ANTXR2: variants seen among roughly 807,000 people sequenced by gnomAD.
The protein encoded by ANTXR2 is anthrax toxin receptor 2.
A neutral mutation model predicts 73.7 loss-of-function variants in ANTXR2; 44 were observed. The observed-to-expected ratio is 0.60, with a 90% CI of 0.47 to 0.77. The LOEUF is 0.77. Ranked by LOEUF, ANTXR2 falls within the 30% of genes least tolerant of loss-of-function variation. The probability of loss-of-function intolerance (pLI) is 0.00; values close to 1 mark genes in which losing one functional copy is unlikely to be tolerated. For synonymous variants in ANTXR2, 217 were observed against 205.9 expected (o/e 1.05, Z -0.46); for missense variants, 604 against 592.5 (o/e 1.02, Z -0.20).
At chr4:80,072,310 A>G in intron 1 of ANTXR2, 99 bp downstream of exon 1, 2 of 1,361,730 alleles carry the variant, frequency 1.5e-6, no homozygotes, top group Non-Finnish European at 9.7e-7. Context: ...CGGGTTTCCA[A>G]CACCACTCCC....
At chr4:79,951,365 T>C (rs1284898424) in intron 16 of ANTXR2, among the ~76,000 whole-genome samples, 1 of 151,904 alleles carries the variant, frequency 6.6e-6, no homozygotes, top group Non-Finnish European at 1.5e-5. Context: ...GGATTACTCA[T>C]GGTCAGGAGT....
At chr4:79,965,568 C>T (rs991854980) in intron 16 of ANTXR2, among the ~76,000 whole-genome samples, 6 of 152,120 alleles carry the variant, frequency 3.9e-5, no homozygotes, top group African/African-American at 1.2e-4. Flanking sequence ...ATAAATACTT[C>T]ATAAGAACCA....
chr4:80,013,906 T>C (rs1264017124), intron 11 of ANTXR2, among the ~76,000 whole-genome samples: 5 of 152,190 alleles, frequency 3.3e-5, no homozygotes, highest in Non-Finnish European at 7.3e-5. Flanking sequence ...TAGTATTTAT[T>C]ATCCTGTAAT....
intron 16 of ANTXR2, among the ~76,000 whole-genome samples, chr4:79,909,645 C>CA (rs987166490): frequency 0.02 from 2,909 of 144,334 alleles, 85 homozygotes; most frequent in African/African-American, 0.068. Context: ...ATATAAGCAC[C>CA]AAAAAAAAAA....
At chr4:80,004,204 T>A (rs1161705327) in intron 12 of ANTXR2, among the ~76,000 whole-genome samples, 1 of 151,478 alleles carries the variant, frequency 6.6e-6, no homozygotes, top group Non-Finnish European at 1.5e-5. Flanking sequence ...ATTTTTGAAA[T>A]AAAAAAATTA....
At chr4:80,059,595 C>T (rs1272015070) in intron 3 of ANTXR2, among the ~76,000 whole-genome samples, 1 of 152,058 alleles carries the variant, frequency 6.6e-6, no homozygotes, top group Non-Finnish European at 1.5e-5. Flanking sequence ...TGGCCTCAGG[C>T]AAGCCTCTCA....
intron 16 of ANTXR2, among the ~76,000 whole-genome samples, chr4:79,915,567 A>T (rs1245114655): frequency 2.0e-5 from 3 of 152,088 alleles, no homozygotes; most frequent in Non-Finnish European, 4.4e-5. Flanking sequence ...AATCACTTCT[A>T]AAAAAAGGTT....
At chr4:80,051,577 C>T (rs184201937) in intron 7 of ANTXR2, among the ~76,000 whole-genome samples, 3 of 151,804 alleles carry the variant, frequency 2.0e-5, no homozygotes, top group African/African-American at 4.8e-5. Flanking sequence ...AAAACTGTTA[C>T]ATACCATGTT....
chr4:79,964,594 AACT>A (rs1295789437), intron 16 of ANTXR2: 2 of 152,220 alleles, frequency 1.3e-5, no homozygotes, highest in African/African-American at 4.8e-5. Flanking sequence ...AACGGAGTCA[AACT>A]ACATTAGATC....
At chr4:80,049,473 G>T (rs1733676660) in intron 7 of ANTXR2, among the ~76,000 whole-genome samples, 1 of 151,756 alleles carries the variant, frequency 6.6e-6, no homozygotes, top group Non-Finnish European at 1.5e-5. Context: ...ATATGTGCTT[G>T]TGTCTGTGGA....
chr4:79,990,043 T>G (rs1730389692), intron 12 of ANTXR2, among the ~76,000 whole-genome samples: 1 of 151,984 alleles, frequency 6.6e-6, no homozygotes, highest in African/African-American at 2.4e-5. Context: ...AGGCAAAAGA[T>G]GGAAGCATTT....
intron 10 of ANTXR2, among the ~76,000 whole-genome samples, chr4:80,030,860 G>A (rs1207951483): frequency 6.6e-6 from 1 of 151,876 alleles, no homozygotes; most frequent in Non-Finnish European, 1.5e-5. Context: ...CTAGAAAACT[G>A]TATCCTATTA....
chr4:80,031,195 C>A (rs1732673979), intron 10 of ANTXR2, among the ~76,000 whole-genome samples: 1 of 151,832 alleles, frequency 6.6e-6, no homozygotes, highest in African/African-American at 2.4e-5. Flanking sequence ...TCTTGAGGCA[C>A]TTTAATCGCA....
rs1454700058 is a variant in ANTXR2 at position 79,926,965 on chromosome 4, A to ATG, written c.1429-19500_1429-19499dup. Among the ~76,000 whole-genome samples, 14 of 46,442 alleles carry ATG rather than the reference A, an allele frequency of 3.0e-4. 1 individual carries two copies. The highest frequency in any genetic ancestry group is 8.1e-4 in the African/African-American group (10 of 12,412). 30.5% of individuals were successfully genotyped at this position (46,442 alleles called of 152,430 possible). On this transcript the variant is annotated intron_variant, in intron 16 of 16. Coordinates refer to ENST00000403729, the MANE Select transcript of ANTXR2 (RefSeq NM_058172.6). ...TATGTGTATATATACGTGTGCATAT[A>ATG]TGTGTATATATACGTGTGCATATAT...
chr4:79,994,794 C>T (rs1195974445), intron 12 of ANTXR2, among the ~76,000 whole-genome samples: 3 of 151,962 alleles, frequency 2.0e-5, no homozygotes, highest in African/African-American at 4.8e-5. Context: ...CTTCTCTTCA[C>T]CGGAGGTCCT....
At position 80,052,191 on chromosome 4, in the gene ANTXR2, A is replaced by C. The variant is rs184541939; in HGVS notation, c.636+2081T>G. 6.3e-3 allele frequency among the ~76,000 whole-genome samples: 952 copies of C among 151,758 alleles called. 3 individuals carry two copies. Among genetic ancestry groups the C allele is most frequent in the Non-Finnish European group, 9.5e-3 (642 of 67,726 alleles). On this transcript the variant is annotated intron_variant, in intron 7 of 16. Coordinates refer to ENST00000403729, the MANE Select transcript of ANTXR2 (RefSeq NM_058172.6). ...ATAATTTCACCCATTAGTTTGATAA[A>C]TCATAAAGAATAGAGTATAGTCTCT...
At chr4:79,973,694 G>A (rs1319180831) in intron 16 of ANTXR2, among the ~76,000 whole-genome samples, 4 of 152,192 alleles carry the variant, frequency 2.6e-5, no homozygotes, top group Admixed American at 2.0e-4. Context: ...CTCCCAAAGT[G>A]CTGGGATTAC....
In ANTXR2 at chr4:80,070,726, A is replaced by C. The variant is rs1016926106; in HGVS notation, c.224+857T>G. On this transcript the variant is annotated intron_variant, in intron 2 of 16. Transcript: ENST00000403729. ...GAAGTTACTTGCAACATGACTTTCA[A>C]AATGTTTTGATCATCCAAGCCTGTT... 6.6e-5 allele frequency among the ~76,000 whole-genome samples: 10 copies of C among 152,334 alleles called. No homozygotes were observed. The East Asian group carries it at 1.7e-3, about 26-fold the overall frequency.
At chr4:80,006,017 C>G (rs1560977500) in intron 12 of ANTXR2, among the ~76,000 whole-genome samples, 1 of 152,096 alleles carries the variant, frequency 6.6e-6, no homozygotes, top group East Asian at 1.9e-4. Flanking sequence ...ACTCATGATT[C>G]CACATGCACT....
Sources: allele counts gnomAD v4.1 joint callset (sites outside exome capture counted in the v4.1 genomes callset), GRCh38; gene constraint gnomAD v4.1.1; transcripts MANE v1.5; gene names NCBI Gene and HGNC (gene_info 2026-07-23, HGNC 2026-07-21).